Variants in SEPTIN14 observed in about 807,000 individuals in gnomAD.
SEPTIN14 encodes septin 14, also known as septin-14.
SEPTIN14 carries 40 observed loss-of-function variants against 53.6 expected under a neutral mutation model. The observed-to-expected ratio is 0.75, with a 90% CI of 0.58 to 0.97. The LOEUF is 0.97. Ranked by LOEUF, SEPTIN14 falls within the 50% of genes least tolerant of loss-of-function variation. The pLI is 0.00. For synonymous variants in SEPTIN14, 138 were observed against 166.8 expected, an observed-to-expected ratio of 0.83 and a Z score of 1.33; for missense variants, 471 against 508.2, an observed-to-expected ratio of 0.93 and a Z score of 0.70.
At chr7:55,862,055 A>C in intron 1 of SEPTIN14, 44 bp from the exon 2 acceptor site, 1 of 1,205,230 alleles carries the variant, frequency 8.3e-7, no homozygotes. Context: ...TTTCTTACAA[A>C]GGCTATATTC....
intron 6 of SEPTIN14, among the ~76,000 whole-genome samples, chr7:55,829,463 T>C (rs762705454): frequency 2.0e-5 from 3 of 150,170 alleles, no homozygotes; most frequent in Non-Finnish European, 1.5e-5. Context: ...AAGATTCAAG[T>C]AAGCACAAGC....
intron 2 of SEPTIN14, among the ~76,000 whole-genome samples, chr7:55,849,180 C>G (rs973535819): frequency 6.6e-6 from 1 of 151,366 alleles, no homozygotes; most frequent in East Asian, 2.0e-4. Context: ...CAAAAATGAA[C>G]CCGGCATGGT....
At position 55,843,138 on chromosome 7, in the gene SEPTIN14, A is replaced by G. The variant is rs1253866134; in HGVS notation, c.372-10T>C. On this transcript the variant is annotated splice_polypyrimidine_tract_variant and intron_variant, in intron 4 of 9. Transcript: ENST00000388975. ...AACTATTGGTTGGTAGCTAAAAAAA[A>G]ATTTATACATTTAGCATAACAGACT... 1 of 1,535,286 alleles carries G rather than the reference A, an allele frequency of 6.5e-7. No homozygotes were observed. Among genetic ancestry groups the G allele is most frequent in the African/African-American group, 1.4e-5 (1 of 71,742 alleles).
At chr7:55,842,102 A>G (rs1584268390) in intron 5 of SEPTIN14, among the ~76,000 whole-genome samples, 1 of 152,208 alleles carries the variant, frequency 6.6e-6, no homozygotes, top group Admixed American at 6.6e-5. Context: ...TATTCCGTAC[A>G]GTACCATGCT....
chr7:55,859,940 G>A (rs1227652719), intron 2 of SEPTIN14, among the ~76,000 whole-genome samples: 1 of 152,206 alleles, frequency 6.6e-6, no homozygotes, highest in Non-Finnish European at 1.5e-5. Flanking sequence ...AGCACTTTGG[G>A]AGGCTGAGGC....
At chr7:55,846,777 T>G in intron 2 of SEPTIN14, 140 bp from the exon 3 acceptor site, 1 of 551,498 alleles carries the variant, frequency 1.8e-6, no homozygotes, top group African/African-American at 1.9e-5. Flanking sequence ...GCAAATATAT[T>G]AAGTAAATTT....
chr7:55,840,211 G>C (rs773869540), intron 5 of SEPTIN14, among the ~76,000 whole-genome samples: 1 of 139,746 alleles, frequency 7.2e-6, no homozygotes. Context: ...ATGTGAGGCC[G>C]GGCACAGTGA....
At chr7:55,833,524 A>G (rs191835453) in intron 6 of SEPTIN14, among the ~76,000 whole-genome samples, 2 of 152,170 alleles carry the variant, frequency 1.3e-5, no homozygotes, top group African/African-American at 4.8e-5. Flanking sequence ...CCTGGCCAAC[A>G]TGGTGAAACC....
chr7:55,834,413 A>G lies in SEPTIN14; in HGVS notation c.720+12T>C. 1 of 1,590,232 alleles carries G rather than the reference A, an allele frequency of 6.3e-7. No individual in the cohort carries two copies. The highest frequency in any genetic ancestry group is 8.5e-7 in the Non-Finnish European group (1 of 1,170,590). ...TTCTAGCCTCTTTGTCAGATATGTTACTGAAACTTACACTAACTGAGGAGT... is the reference window on the plus strand; with the variant it reads ...TTCTAGCCTCTTTGTCAGATATGTTGCTGAAACTTACACTAACTGAGGAGT... On this transcript the variant is annotated intron_variant, in intron 6 of 9. Coordinates refer to ENST00000388975, the MANE Select transcript of SEPTIN14 (RefSeq NM_207366.3).
At chr7:55,822,409 A>T (rs1449533229) in intron 6 of SEPTIN14, among the ~76,000 whole-genome samples, 1 of 152,194 alleles carries the variant, frequency 6.6e-6, no homozygotes, top group East Asian at 1.9e-4. Flanking sequence ...ATTAACTCCA[A>T]AATTTATATG....
In SEPTIN14 at chr7:55,842,608, C is replaced by CA. The variant is rs58014204; in HGVS notation, c.558+333dup. Among the ~76,000 whole-genome samples, 187 of 125,798 alleles carry CA rather than the reference C, an allele frequency of 1.5e-3. No individual in the cohort carries two copies. In the South Asian group the frequency reaches 0.018, roughly 12 times the overall value. 82.5% of individuals were successfully genotyped at this position (125,798 alleles called of 152,430 possible). Reference sequence around the variant, plus strand: ...ACAGAGCAAGACCCTGCCTCAAATACAAAAAAAAAAAAAGAAAAAGAAGGC... The same window carrying CA: ...ACAGAGCAAGACCCTGCCTCAAATACAAAAAAAAAAAAAAGAAAAAGAAGGC... On this transcript the variant is annotated intron_variant, in intron 5 of 9. Coordinates refer to ENST00000388975, the MANE Select transcript of SEPTIN14 (RefSeq NM_207366.3).
At chr7:55,807,009 T>C in intron 8 of SEPTIN14, 81 bp downstream of exon 8, 1 of 990,206 alleles carries the variant, frequency 1.0e-6, no homozygotes, top group Non-Finnish European at 1.4e-6. Context: ...ATAATTATTC[T>C]CATATCCAAA....
At chr7:55,837,592 T>A (rs371680642) in intron 5 of SEPTIN14, among the ~76,000 whole-genome samples, 83 of 152,194 alleles carry the variant, frequency 5.5e-4, no homozygotes, top group East Asian at 3.7e-3. Flanking sequence ...TTATTTATTT[T>A]TTTTTTTGGA....
intron 6 of SEPTIN14, among the ~76,000 whole-genome samples, chr7:55,829,378 CAAA>C (rs200041942): frequency 8.4e-6 from 1 of 119,710 alleles, no homozygotes; most frequent in Admixed American, 8.4e-5. Context: ...AACTCTGTCT[CAAA>C]AAAAAAAAAG....
rs562942837 is a variant in SEPTIN14 at position 55,857,762 on chromosome 7, C to T, written c.54+4181G>A. The stretch of plus-strand genomic sequence containing the variant: ...GCCACCACGCCCGGCTAATTTTTTG[C>T]ATTTTTAGTAGAGACGGGGTTTCAC... On this transcript the variant is annotated intron_variant, in intron 2 of 9. Transcript: ENST00000388975. Among the ~76,000 whole-genome samples, 113 of 150,580 alleles carry T rather than the reference C, an allele frequency of 7.5e-4. 3 individuals are homozygous for T. Among genetic ancestry groups the T allele is most frequent in the African/African-American group, 2.6e-3 (105 of 40,836 alleles).
intron 9 of SEPTIN14, chr7:55,799,021 T>A (rs1236596619): frequency 1.3e-5 from 2 of 151,840 alleles, no homozygotes; most frequent in African/African-American, 4.8e-5. Context: ...TACAAAACAG[T>A]CAGAAAACAA....
chr7:55,826,108 A>AG (rs1269313454), intron 6 of SEPTIN14, among the ~76,000 whole-genome samples: 14 of 152,094 alleles, frequency 9.2e-5, no homozygotes, highest in Non-Finnish European at 2.9e-5. Context: ...CTCAAAAAAA[A>AG]AAAAAAGTCA....
chr7:55,857,352 A>G (rs1366100057), intron 2 of SEPTIN14, among the ~76,000 whole-genome samples: 2 of 151,094 alleles, frequency 1.3e-5, no homozygotes, highest in African/African-American at 4.9e-5. Flanking sequence ...AGCCTGGGCA[A>G]CAAGAGGAAA....
chr7:55,848,768 C>T (rs1584271754), intron 2 of SEPTIN14, among the ~76,000 whole-genome samples: 2 of 151,548 alleles, frequency 1.3e-5, no homozygotes, highest in Non-Finnish European at 2.9e-5. Flanking sequence ...CCACTACGCC[C>T]GGCTAATTTT....
Sources: gnomAD v4.1 joint callset for allele counts (sites outside exome capture counted in the v4.1 genomes callset) on GRCh38, gnomAD v4.1.1 for gene constraint, MANE v1.5 for transcripts, NCBI Gene and HGNC (gene_info 2026-07-23, HGNC 2026-07-21) for gene names.